GAS7: variants seen among roughly 807,000 people sequenced by gnomAD.
GAS7 encodes the protein growth arrest-specific protein 7.
GAS7 carries 28 observed loss-of-function variants against 71.1 expected under a neutral mutation model. The ratio of observed to expected loss-of-function variants is 0.39; its 90% confidence interval spans 0.29 to 0.54. GAS7 has a LOEUF of 0.54. Among genes scored for constraint, GAS7 ranks in the 20% least tolerant of loss-of-function variants. The pLI is 0.62. For synonymous variants in GAS7, 258 were observed against 245.8 expected (o/e 1.05, Z -0.46); for missense variants, 436 against 627.8 (o/e 0.69, Z 3.27).
At chr17:10,111,062 C>T (rs532974429) in intron 1 of GAS7, among the ~76,000 whole-genome samples, 1 of 152,264 alleles carries the variant, frequency 6.6e-6, no homozygotes, top group East Asian at 1.9e-4. Context: ...TTGGTGTCCA[C>T]AACTTGTAGG....
chr17:10,183,670 T>C (rs1372601277), intron 1 of GAS7, among the ~76,000 whole-genome samples: 3 of 152,094 alleles, frequency 2.0e-5, no homozygotes, highest in Non-Finnish European at 4.4e-5. Flanking sequence ...AAACCCCGTC[T>C]CTACTAAACA....
rs565071341 is a variant in GAS7, at chr17:9,927,479, C to CAA, written c.886-712_886-711dup. On this transcript the variant is annotated intron_variant, in intron 9 of 13. Coordinates refer to ENST00000432992, the MANE Select transcript of GAS7 (RefSeq NM_201433.2). The stretch of plus-strand genomic sequence containing the variant: ...TGGGTGACAGAGTGAGACTTGGTCT[C>CAA]AAAAAAAAAAAACAAAACAAACAAA... 1.8e-4 allele frequency among the ~76,000 whole-genome samples: 22 copies of CAA among 123,454 alleles called. 1 individual carries two copies. In the East Asian group the frequency reaches 2.3e-3, roughly 13 times the overall value. 81.0% of individuals were successfully genotyped at this position (123,454 alleles called of 152,430 possible).
chr17:10,179,347 T>A (rs1299052854), intron 1 of GAS7, among the ~76,000 whole-genome samples: 1 of 151,094 alleles, frequency 6.6e-6, no homozygotes, highest in Admixed American at 6.6e-5. Context: ...AAAAAAAAAA[T>A]TCATAGGTCC....
intron 5 of GAS7, among the ~76,000 whole-genome samples, chr17:9,952,584 G>A (rs947666523): frequency 3.9e-5 from 6 of 152,146 alleles, no homozygotes; most frequent in African/African-American, 1.2e-4. Context: ...TAGAGACAGG[G>A]TTTCACCATG....
At position 9,911,320 on chromosome 17, in the gene GAS7, C is replaced by T. The variant is rs2067430162; in HGVS notation, c.*5908G>A. On this transcript the variant is annotated 3_prime_UTR_variant, in exon 14 of 14. Coordinates refer to ENST00000432992, the MANE Select transcript of GAS7 (RefSeq NM_201433.2). The surrounding 1 kb of genome is among the most constrained non-coding windows in gnomAD (Gnocchi z 4.0). ...AGAGCAGGGCCAGTCCTGTGCTCTC[C>T]CCCTGCATAGCAGGCTTTCCCTCTA... The T allele has an allele frequency of 4.3e-6, 1 of 233,552 alleles. No individual in the cohort carries two copies. The highest frequency in any genetic ancestry group is 6.0e-5 in the East Asian group (1 of 16,594). 14.5% of individuals were successfully genotyped at this position (233,552 alleles called of 1,614,324 possible). A position where few individuals can be genotyped will look rare whatever the true frequency, so the allele number is the denominator to read the frequency against.
intron 1 of GAS7, among the ~76,000 whole-genome samples, chr17:10,195,761 T>C (rs1354711582): frequency 6.6e-6 from 1 of 152,116 alleles, no homozygotes; most frequent in African/African-American, 2.4e-5. Flanking sequence ...GAGTCTGCCC[T>C]TCAGGACTCA....
At chr17:10,097,375 T>C (rs2073651832) in intron 1 of GAS7, among the ~76,000 whole-genome samples, 1 of 152,194 alleles carries the variant, frequency 6.6e-6, no homozygotes, top group South Asian at 2.1e-4. Context: ...ACTCCCCGGA[T>C]GGGGTTACTC....
chr17:10,074,979 T>C (rs1207215169), intron 1 of GAS7, among the ~76,000 whole-genome samples: 1 of 149,970 alleles, frequency 6.7e-6, no homozygotes, highest in Non-Finnish European at 1.5e-5. Context: ...ATAATCTGGA[T>C]GCAGAAAAAG....
rs982108496 is a variant in GAS7, at chr17:9,974,638, C to T, written c.386-4876G>A. Among the ~76,000 whole-genome samples, 1 of 152,138 alleles carries T rather than the reference C, an allele frequency of 6.6e-6. No homozygotes were observed. The highest frequency in any genetic ancestry group is 2.4e-5 in the African/African-American group (1 of 41,418). On this transcript the variant is annotated intron_variant, in intron 3 of 13. Coordinates refer to ENST00000432992, the MANE Select transcript of GAS7 (RefSeq NM_201433.2). The surrounding 1 kb of genome is among the most constrained non-coding windows in gnomAD (Gnocchi z 4.0). ...TAAATAATACACACAGGCACCCACA[C>T]ACTTCATTTCCCTTATAGGCAGTTA... is the stretch of plus-strand genomic sequence containing the variant.
chr17:9,986,234 T>G (rs984889542), intron 2 of GAS7, among the ~76,000 whole-genome samples: 8 of 152,086 alleles, frequency 5.3e-5, no homozygotes, highest in African/African-American at 1.9e-4. Flanking sequence ...CCAGAAAACT[T>G]TCCCTTTGTG....
intron 1 of GAS7, among the ~76,000 whole-genome samples, chr17:10,177,707 G>A (rs2074383528): frequency 1.3e-5 from 2 of 152,134 alleles, no homozygotes; most frequent in South Asian, 2.1e-4. Context: ...TGTCTGCACC[G>A]TAACCCTTTC....
chr17:10,002,879 A>G (rs1567876608), intron 2 of GAS7, among the ~76,000 whole-genome samples: 2 of 152,224 alleles, frequency 1.3e-5, no homozygotes. Flanking sequence ...ATACGTGTGC[A>G]TGTGTCTTTA....
chr17:9,934,604 G>A (rs2068329334), intron 8 of GAS7, among the ~76,000 whole-genome samples: 1 of 152,120 alleles, frequency 6.6e-6, no homozygotes, highest in Non-Finnish European at 1.5e-5. Flanking sequence ...TGAGGGCCTT[G>A]ACCCCTGGGC....
At chr17:9,953,708 G>A (rs188040802) in intron 5 of GAS7, among the ~76,000 whole-genome samples, 19 of 152,368 alleles carry the variant, frequency 1.2e-4, no homozygotes, top group Admixed American at 9.2e-4. Context: ...CACGTGCTAC[G>A]CTAGCTCTTC....
intron 2 of GAS7, among the ~76,000 whole-genome samples, chr17:10,017,296 G>A (rs2072073881): frequency 6.6e-6 from 1 of 151,574 alleles, no homozygotes; most frequent in African/African-American, 2.4e-5. Context: ...ATGGCCCAGT[G>A]AACTTGCCAA....
At chr17:9,936,083 CG>C (rs2068390862) in intron 8 of GAS7, among the ~76,000 whole-genome samples, 2 of 152,182 alleles carry the variant, frequency 1.3e-5, no homozygotes, top group Non-Finnish European at 2.9e-5. Flanking sequence ...CAGAGACAAC[CG>C]TACATCCACA....
chr17:10,128,083 G>T (rs117411129), intron 1 of GAS7, among the ~76,000 whole-genome samples: 3 of 152,148 alleles, frequency 2.0e-5, no homozygotes, highest in African/African-American at 7.2e-5. Flanking sequence ...GCCAGGGCTC[G>T]GCCCTACCCC....
In GAS7 at chr17:10,006,000, T is replaced by C. The variant is rs189155138; in HGVS notation, c.304+13777A>G. ...TGGTTGATCTAATGACTGGTAGAGATCCTGCTATGGGATTAGTGCCTGGAC... is the reference window on the plus strand; with the variant it reads ...TGGTTGATCTAATGACTGGTAGAGACCCTGCTATGGGATTAGTGCCTGGAC... On this transcript the variant is annotated intron_variant, in intron 2 of 13. Coordinates refer to ENST00000432992, the MANE Select transcript of GAS7 (RefSeq NM_201433.2). Among the ~76,000 whole-genome samples the C allele has an allele frequency of 8.9e-4, 136 of 152,274 alleles. 1 individual carries two copies. Among genetic ancestry groups the C allele is most frequent in the African/African-American group, 3.2e-3 (131 of 41,566 alleles).
At chr17:10,046,509 G>A (rs571419090) in intron 1 of GAS7, among the ~76,000 whole-genome samples, 1 of 151,802 alleles carries the variant, frequency 6.6e-6, no homozygotes, top group Non-Finnish European at 1.5e-5. Flanking sequence ...CCGCCTCGGC[G>A]GGCAGATCAT....
Sources: allele counts gnomAD v4.1 joint callset (sites outside exome capture counted in the v4.1 genomes callset), GRCh38; gene constraint gnomAD v4.1.1; non-coding constraint Gnocchi (gnomAD v3.1); transcripts MANE v1.5; gene names NCBI Gene and HGNC (gene_info 2026-07-23, HGNC 2026-07-21).